The following HS3ST4 variants were observed in gnomAD, a reference collection of about 807,000 sequenced individuals.
HS3ST4 encodes the protein heparan sulfate glucosamine 3-O-sulfotransferase 4.
Under a neutral mutation model 29.2 loss-of-function variants are expected in HS3ST4, and 17 were observed. The observed-to-expected ratio is 0.58, with a 90% confidence interval of 0.40 to 0.87. The LOEUF is 0.87. HS3ST4 is among the 40% of genes least tolerant of loss of function. The pLI, the probability that HS3ST4 is intolerant of heterozygous loss-of-function variation, is 0.00. For missense variants in HS3ST4, 627 were observed against 634.5 expected (o/e 0.99, Z 0.13); for synonymous variants, 314 against 285.7 (o/e 1.10, Z -1.00).
At chr16:25,884,092 G>A (rs1967922342) in intron 1 of HS3ST4, among the ~76,000 whole-genome samples, 2 of 151,568 alleles carry the variant, frequency 1.3e-5, no homozygotes, top group Non-Finnish European at 1.5e-5. Context: ...CAGCCTGGGT[G>A]ACAAGAGCGA....
chr16:25,972,844 A>G (rs1253046559), intron 1 of HS3ST4, among the ~76,000 whole-genome samples: 1 of 152,204 alleles, frequency 6.6e-6, no homozygotes, highest in Non-Finnish European at 1.5e-5. Context: ...TGAGTTCTGT[A>G]TGGAATGCAT....
At chr16:26,071,055 G>A (rs531438441) in intron 1 of HS3ST4, among the ~76,000 whole-genome samples, 41 of 152,280 alleles carry the variant, frequency 2.7e-4, no homozygotes, top group Non-Finnish European at 5.6e-4. Context: ...TTGGTGAATT[G>A]CAAAGTGTGT....
intron 1 of HS3ST4, among the ~76,000 whole-genome samples, chr16:25,838,366 AT>A (rs1967381911): frequency 6.6e-6 from 1 of 152,040 alleles, no homozygotes; most frequent in Non-Finnish European, 1.5e-5. Flanking sequence ...TTCATTCAGC[AT>A]TTACTTATGC....
At chr16:25,791,816 G>A (rs957920315) in intron 1 of HS3ST4, among the ~76,000 whole-genome samples, 18 of 151,916 alleles carry the variant, frequency 1.2e-4, no homozygotes, top group African/African-American at 3.4e-4. Flanking sequence ...AGTAAGTGGC[G>A]AATAATGACA....
chr16:25,886,412 G>T (rs1477135181), intron 1 of HS3ST4, among the ~76,000 whole-genome samples: 1 of 152,190 alleles, frequency 6.6e-6, no homozygotes, highest in African/African-American at 2.4e-5. Context: ...TAAAGTAATG[G>T]TGGTGCTTGT....
chr16:25,700,687 C>T (rs907246545), intron 1 of HS3ST4, among the ~76,000 whole-genome samples: 19 of 152,128 alleles, frequency 1.2e-4, no homozygotes, highest in African/African-American at 4.8e-5. Context: ...CCGCCCCGTT[C>T]AAGTAATCTC....
chr16:25,873,347 T>C (rs1270567384), intron 1 of HS3ST4, among the ~76,000 whole-genome samples: 34 of 126,618 alleles, frequency 2.7e-4, no homozygotes, highest in African/African-American at 6.3e-4. Context: ...TTCATCCATC[T>C]ATCCATCCAT....
At chr16:26,003,515 C>T (rs1415550822) in intron 1 of HS3ST4, among the ~76,000 whole-genome samples, 1 of 152,194 alleles carries the variant, frequency 6.6e-6, no homozygotes, top group Admixed American at 6.5e-5. Context: ...GGCAGTCTCT[C>T]CCCTGGGGAA....
intron 1 of HS3ST4, among the ~76,000 whole-genome samples, chr16:25,751,303 A>G (rs1295549659): frequency 1.3e-5 from 2 of 152,122 alleles, no homozygotes; most frequent in African/African-American, 4.8e-5. Flanking sequence ...GTGTGTGTGT[A>G]TGCATGTGGC....
intron 1 of HS3ST4, among the ~76,000 whole-genome samples, chr16:25,859,815 A>T (rs951331946): frequency 3.9e-5 from 6 of 152,176 alleles, no homozygotes; most frequent in African/African-American, 1.2e-4. Flanking sequence ...TAAAACAATG[A>T]GATATCACTA....
At chr16:25,984,276 A>G (rs1969039100) in intron 1 of HS3ST4, among the ~76,000 whole-genome samples, 1 of 151,962 alleles carries the variant, frequency 6.6e-6, no homozygotes, top group African/African-American at 2.4e-5. Context: ...GGGATGGGGG[A>G]CGGTTTCGGG....
At chr16:25,918,537 C>T (rs1026640196) in intron 1 of HS3ST4, among the ~76,000 whole-genome samples, 8 of 152,116 alleles carry the variant, frequency 5.3e-5, no homozygotes, top group South Asian at 2.1e-4. Flanking sequence ...TTTAGAGGGG[C>T]GCTGGCGTGA....
chr16:25,804,838 G>A (rs1470306828), intron 1 of HS3ST4, among the ~76,000 whole-genome samples: 2 of 152,132 alleles, frequency 1.3e-5, no homozygotes, highest in African/African-American at 4.8e-5. Flanking sequence ...ACGAGATAAT[G>A]TGTTTAAAGG....
chr16:26,013,949 A>G (rs949839653), intron 1 of HS3ST4, among the ~76,000 whole-genome samples: 1 of 152,080 alleles, frequency 6.6e-6, no homozygotes, highest in African/African-American at 2.4e-5. Context: ...CAGAGGTTGC[A>G]GTAAGCTGAG....
chr16:26,083,100 T>C (rs1162659169), intron 1 of HS3ST4, among the ~76,000 whole-genome samples: 3 of 152,252 alleles, frequency 2.0e-5, no homozygotes, highest in Non-Finnish European at 4.4e-5. Context: ...CTCCCTCGTC[T>C]GCTTCTGTCT....
At chr16:26,094,540 A>T (rs927664735) in intron 1 of HS3ST4, among the ~76,000 whole-genome samples, 9 of 152,208 alleles carry the variant, frequency 5.9e-5, no homozygotes, top group African/African-American at 1.9e-4. Flanking sequence ...GGAGAAATAG[A>T]ATCCTTTACA....
At chr16:26,122,880 C>T (rs963057207) in intron 1 of HS3ST4, among the ~76,000 whole-genome samples, 3 of 152,038 alleles carry the variant, frequency 2.0e-5, no homozygotes. Context: ...CACGTGAAAC[C>T]TCATCTCTAC....
intron 1 of HS3ST4, among the ~76,000 whole-genome samples, chr16:25,789,456 TTCC>T (rs1966864049): frequency 3.6e-5 from 2 of 55,272 alleles, no homozygotes; most frequent in South Asian, 4.9e-4. Context: ...CCTTCCTTCC[TTCC>T]TTCCTTCCTT....
intron 1 of HS3ST4, among the ~76,000 whole-genome samples, chr16:25,844,041 A>G (rs1967440997): frequency 6.6e-6 from 1 of 152,102 alleles, no homozygotes. Flanking sequence ...TTAAAGTACT[A>G]ATTTCTAACT....
Sources: gnomAD v4.1 joint callset for allele counts (sites outside exome capture counted in the v4.1 genomes callset) on GRCh38, gnomAD v4.1.1 for gene constraint, MANE v1.5 for transcripts, NCBI Gene and HGNC (gene_info 2026-07-23, HGNC 2026-07-21) for gene names.